Variants in ZFPM2 observed in about 807,000 individuals in gnomAD.
ZFPM2 encodes the protein zinc finger protein, FOG family member 2, also known as zinc finger protein ZFPM2.
Under a neutral mutation model 98.6 loss-of-function variants are expected in ZFPM2, and 20 were observed. The observed-to-expected ratio is 0.20, with a 90% CI of 0.14 to 0.29. The LOEUF is 0.29. Ranked by LOEUF, ZFPM2 falls within the 10% of genes least tolerant of loss-of-function variation. The pLI, the probability that ZFPM2 is intolerant of heterozygous loss-of-function variation, is 1.00. For missense variants in ZFPM2, 1,310 were observed against 1,388.6 expected, an observed-to-expected ratio of 0.94 and a Z score of 0.90; for synonymous variants, 518 against 502.7, an observed-to-expected ratio of 1.03 and a Z score of -0.41.
intron 7 of ZFPM2, among the ~76,000 whole-genome samples, chr8:105,799,732 T>A (rs1474298749): frequency 6.6e-6 from 1 of 152,196 alleles, no homozygotes; most frequent in Non-Finnish European, 1.5e-5. Flanking sequence ...CATTCTTACA[T>A]GGGACAAACT....
intron 5 of ZFPM2, among the ~76,000 whole-genome samples, chr8:105,766,260 C>A (rs1812851139): frequency 6.6e-6 from 1 of 152,008 alleles, no homozygotes; most frequent in Admixed American, 6.6e-5. Context: ...GCTTTCCAAC[C>A]TCTCACTCAT....
intron 5 of ZFPM2, among the ~76,000 whole-genome samples, chr8:105,743,017 A>C (rs1812256830): frequency 6.6e-6 from 1 of 152,154 alleles, no homozygotes; most frequent in African/African-American, 2.4e-5. Context: ...AGAAGTCTTG[A>C]AATGACCATC....
chr8:105,498,578 C>G (rs934027969), intron 3 of ZFPM2, among the ~76,000 whole-genome samples: 15 of 152,190 alleles, frequency 9.9e-5, no homozygotes, highest in African/African-American at 3.6e-4. Flanking sequence ...CTAAACCCCT[C>G]TCTTTTCATT....
intron 5 of ZFPM2, among the ~76,000 whole-genome samples, chr8:105,733,349 T>G (rs948095347): frequency 6.6e-6 from 1 of 151,882 alleles, no homozygotes; most frequent in African/African-American, 2.4e-5. Flanking sequence ...AGGGCTATCC[T>G]TTAAAAAAAA....
chr8:105,623,832 A>G (rs1816601783), intron 4 of ZFPM2, among the ~76,000 whole-genome samples: 1 of 152,156 alleles, frequency 6.6e-6, no homozygotes, highest in Non-Finnish European at 1.5e-5. Context: ...TCTTCAGGCT[A>G]GCGTTTTTAT....
At chr8:105,441,011 C>T (rs1236519640) in intron 2 of ZFPM2, among the ~76,000 whole-genome samples, 1 of 151,928 alleles carries the variant, frequency 6.6e-6, no homozygotes, top group Non-Finnish European at 1.5e-5. Context: ...AAAAATTAGC[C>T]AGGCATGGTG....
At chr8:105,724,291 T>G (rs1218973572) in intron 5 of ZFPM2, among the ~76,000 whole-genome samples, 2 of 151,902 alleles carry the variant, frequency 1.3e-5, no homozygotes, top group Admixed American at 1.3e-4. Flanking sequence ...GCAGATTCAG[T>G]CATCCTGAAA....
intron 4 of ZFPM2, among the ~76,000 whole-genome samples, chr8:105,619,780 T>C (rs1816496160): frequency 6.8e-6 from 1 of 146,062 alleles, no homozygotes; most frequent in Admixed American, 7.1e-5. Flanking sequence ...GAACATGCGG[T>C]GTTTGGTTTT....
At chr8:105,443,805 G>A (rs11997028) in intron 2 of ZFPM2, among the ~76,000 whole-genome samples, 65,546 of 151,930 alleles carry the variant, frequency 0.43, 15,605 homozygotes, top group African/African-American at 0.65. Context: ...CAGTCTTAGC[G>A]AGCATAAAGC....
intron 6 of ZFPM2, among the ~76,000 whole-genome samples, chr8:105,793,445 C>A (rs551205150): frequency 6.6e-6 from 1 of 152,026 alleles, no homozygotes; most frequent in Non-Finnish European, 1.5e-5. Context: ...GAGTTTCTGC[C>A]GAGAGATCCG....
chr8:105,762,400 A>G (rs916992717), intron 5 of ZFPM2, among the ~76,000 whole-genome samples: 5 of 151,930 alleles, frequency 3.3e-5, no homozygotes, highest in African/African-American at 7.2e-5. Context: ...CCTCCACTCC[A>G]ATAAAGACAG....
rs1189484545 is a variant in ZFPM2 at position 105,575,332 on chromosome 8, C to G, written c.420+13851C>G. On this transcript the variant is annotated intron_variant, in intron 4 of 7. Transcript: ENST00000407775. ...AAACAATGAGCCGTTGTATCACCCCCCTCCCTTTCCCCAATTGTTGTAGCC... is the reference window on the plus strand; with the variant it reads ...AAACAATGAGCCGTTGTATCACCCCGCTCCCTTTCCCCAATTGTTGTAGCC... Among the ~76,000 whole-genome samples the G allele has an allele frequency of 3.9e-5, 6 of 152,180 alleles. No homozygotes were observed. In the South Asian group the frequency reaches 1.2e-3, roughly 32 times the overall value.
At chr8:105,730,369 C>T (rs1811901163) in intron 5 of ZFPM2, among the ~76,000 whole-genome samples, 1 of 151,744 alleles carries the variant, frequency 6.6e-6, no homozygotes, top group Non-Finnish European at 1.5e-5. Context: ...TTCCACGCTA[C>T]TCATATTTAG....
chr8:105,506,801 C>T (rs1813707968), intron 3 of ZFPM2, among the ~76,000 whole-genome samples: 1 of 151,982 alleles, frequency 6.6e-6, no homozygotes, highest in Non-Finnish European at 1.5e-5. Context: ...TCCTGGCTAA[C>T]ACGGTGAAAC....
chr8:105,446,631 T>TATA (rs754351283), intron 3 of ZFPM2, among the ~76,000 whole-genome samples: 1 of 152,172 alleles, frequency 6.6e-6, no homozygotes. Flanking sequence ...TAATTTAATG[T>TATA]TTTTATTTAT....
intron 1 of ZFPM2, among the ~76,000 whole-genome samples, chr8:105,336,458 A>G (rs1460462241): frequency 1.3e-5 from 2 of 151,750 alleles, no homozygotes; most frequent in African/African-American, 2.4e-5. Context: ...TTTGGTTTGC[A>G]TGTTTTAATT....
At chr8:105,716,599 T>A (rs16873562) in intron 5 of ZFPM2, among the ~76,000 whole-genome samples, 25,163 of 151,940 alleles carry the variant, frequency 0.17, 2,388 homozygotes, top group Non-Finnish European at 0.22. Context: ...TTTCTAAACC[T>A]TGTTGAGAGA....
At chr8:105,351,285 T>C (rs1673584647) in intron 1 of ZFPM2, among the ~76,000 whole-genome samples, 2 of 152,160 alleles carry the variant, frequency 1.3e-5, no homozygotes, top group African/African-American at 4.8e-5. Flanking sequence ...TAATACAATG[T>C]AAATACTATG....
rs1409852433 is a variant in ZFPM2, at chr8:105,803,563, G to A, written c.*25G>A. ...AACTAACTAAACATCAGTCACCTTTGGTATCAGTGTTTAGTATGTTGTTCT... is the reference window on the plus strand; with the variant it reads ...AACTAACTAAACATCAGTCACCTTTAGTATCAGTGTTTAGTATGTTGTTCT... On this transcript the variant is annotated 3_prime_UTR_variant, in exon 8 of 8. Coordinates refer to ENST00000407775, the MANE Select transcript of ZFPM2 (RefSeq NM_012082.4). 1 of 1,581,316 alleles carries A rather than the reference G, an allele frequency of 6.3e-7. No homozygotes were observed. Among genetic ancestry groups the A allele is most frequent in the Non-Finnish European group, 8.6e-7 (1 of 1,162,030 alleles).
Sources: gnomAD v4.1 joint callset for allele counts (sites outside exome capture counted in the v4.1 genomes callset) on GRCh38, gnomAD v4.1.1 for gene constraint, MANE v1.5 for transcripts, NCBI Gene and HGNC (gene_info 2026-07-23, HGNC 2026-07-21) for gene names.